Variants in SARDH observed in about 807,000 individuals in gnomAD.
The protein encoded by SARDH is sarcosine dehydrogenase, also known as sarcosine dehydrogenase, mitochondrial.
SARDH carries 95 observed loss-of-function variants against 109.1 expected under a neutral mutation model. The observed-to-expected ratio is 0.87, with a 90% confidence interval of 0.74 to 1.03. SARDH has a LOEUF of 1.03. Ranked by LOEUF, SARDH falls within the 50% of genes least tolerant of loss-of-function variation. SARDH has a pLI of 0.00. For synonymous variants in SARDH, 572 were observed against 534.8 expected, an observed-to-expected ratio of 1.07 and a Z score of -0.96; for missense variants, 1,267 against 1,287.8, an observed-to-expected ratio of 0.98 and a Z score of 0.25.
At chr9:133,710,494 G>A (rs1006428442) in intron 10 of SARDH, among the ~76,000 whole-genome samples, 1 of 152,260 alleles carries the variant, frequency 6.6e-6, no homozygotes, top group African/African-American at 2.4e-5. Flanking sequence ...CCCCCTCGCT[G>A]TGCGTGTCTC....
chr9:133,677,997 G>A (rs559109683), intron 17 of SARDH, among the ~76,000 whole-genome samples: 1 of 152,352 alleles, frequency 6.6e-6, no homozygotes, highest in Admixed American at 6.5e-5. Flanking sequence ...AAATTGGCCT[G>A]AGGACCCTCT....
intron 17 of SARDH, among the ~76,000 whole-genome samples, chr9:133,681,301 C>G (rs1172809938): frequency 6.6e-6 from 1 of 152,218 alleles, no homozygotes; most frequent in Non-Finnish European, 1.5e-5. Flanking sequence ...GCAGAGCCCC[C>G]CAACACGGGC....
At chr9:133,710,404 C>T (rs1831873303) in intron 10 of SARDH, among the ~76,000 whole-genome samples, 1 of 152,224 alleles carries the variant, frequency 6.6e-6, no homozygotes, top group African/African-American at 2.4e-5. Context: ...CCGGTCAGCC[C>T]TGGGACCCTC....
intron 17 of SARDH, among the ~76,000 whole-genome samples, chr9:133,683,937 A>G (rs987411341): frequency 1.9e-4 from 29 of 152,168 alleles, no homozygotes; most frequent in Admixed American, 1.8e-3. Flanking sequence ...ACTGACACAT[A>G]TCGGGGGCTT....
chr9:133,702,887 G>C (rs759866848), intron 13 of SARDH, 29 bp downstream of exon 13: 1 of 1,596,850 alleles, frequency 6.3e-7, no homozygotes, highest in Non-Finnish European at 8.5e-7. Flanking sequence ...CAGAAGGACG[G>C]ACCCCCACGG....
chr9:133,719,821 A>G (rs1832261811), intron 6 of SARDH, among the ~76,000 whole-genome samples: 1 of 152,138 alleles, frequency 6.6e-6, no homozygotes, highest in Admixed American at 6.5e-5. Flanking sequence ...TCCTAAAAAC[A>G]AAACCACAGG....
intron 19 of SARDH, among the ~76,000 whole-genome samples, chr9:133,669,664 C>G (rs1830265559): frequency 6.6e-6 from 1 of 152,134 alleles, no homozygotes; most frequent in African/African-American, 2.4e-5. Flanking sequence ...GTCAGGTCGC[C>G]CCCAGGCAGA....
At position 133,665,744 on chromosome 9, in the gene SARDH, G is replaced by A. The variant is rs1041384621; in HGVS notation, c.2631+991C>T. On this transcript the variant is annotated intron_variant, in intron 20 of 20. Coordinates refer to ENST00000439388, the MANE Select transcript of SARDH (RefSeq NM_001134707.2). The stretch of plus-strand genomic sequence containing the variant: ...CATTGGGCCTGCGAGCTGGGCCTGC[G>A]CATGTTCTGCAGCTCTTGCTAAGGC... 7.9e-5 allele frequency among the ~76,000 whole-genome samples: 12 copies of A among 152,184 alleles called. No homozygotes were observed. The South Asian group carries it at 1.9e-3, about 24-fold the overall frequency.
chr9:133,696,422 A>C, intron 13 of SARDH, 61 bp from the exon 14 acceptor site: 1 of 1,607,546 alleles, frequency 6.2e-7, no homozygotes, highest in Non-Finnish European at 8.5e-7. Flanking sequence ...TTCTTCCTCA[A>C]GAACGTGGAG....
intron 7 of SARDH, among the ~76,000 whole-genome samples, chr9:133,717,789 T>C (rs1588442427): frequency 6.6e-6 from 1 of 152,318 alleles, no homozygotes; most frequent in East Asian, 1.9e-4. Context: ...TGCCTACCTC[T>C]ACCACTGGGC....
At chr9:133,675,191 T>TA (rs994079835) in intron 17 of SARDH, among the ~76,000 whole-genome samples, 36 of 149,952 alleles carry the variant, frequency 2.4e-4, no homozygotes, top group African/African-American at 6.9e-4. Flanking sequence ...TAAAAATATT[T>TA]AAAAAAAAAA....
At chr9:133,680,045 C>T (rs1355200059) in intron 17 of SARDH, among the ~76,000 whole-genome samples, 1 of 152,230 alleles carries the variant, frequency 6.6e-6, no homozygotes, top group African/African-American at 2.4e-5. Context: ...CGTTTCTTCA[C>T]GTTGAGGGAT....
intron 8 of SARDH, among the ~76,000 whole-genome samples, chr9:133,715,476 C>T (rs745507775): frequency 2.0e-5 from 3 of 152,116 alleles, no homozygotes; most frequent in South Asian, 2.1e-4. Context: ...CACGCTGCCC[C>T]GGCCCCTGGG....
intron 3 of SARDH, 38 bp downstream of exon 3, chr9:133,732,385 C>CCA: frequency 2.4e-6 from 3 of 1,263,062 alleles, no homozygotes; most frequent in Non-Finnish European, 3.4e-6. Flanking sequence ...CCCACCCACC[C>CCA]AAGCCCCCCT....
rs1027273016 is a variant in SARDH at position 133,686,383 on chromosome 9, C to G, written c.2070-1097G>C. ...CCCCTTCCCCTGTCACCACTTAACC[C>G]TTTGTCATCCTTCAGCTCTTGGCTC... is the stretch of plus-strand genomic sequence containing the variant. On this transcript the variant is annotated intron_variant, in intron 16 of 20. Transcript: ENST00000439388. This position sits in a 1 kb window ranked among gnomAD's most constrained non-coding sequence, Gnocchi z 4.0. 3.3e-5 allele frequency among the ~76,000 whole-genome samples: 5 copies of G among 152,198 alleles called. No individual in the cohort carries two copies. Among genetic ancestry groups the G allele is most frequent in the Middle Eastern group, 3.4e-3 (1 of 294 alleles).
intron 2 of SARDH, 30 bp from the exon 3 acceptor site, chr9:133,732,631 C>G: frequency 6.3e-7 from 1 of 1,577,286 alleles, no homozygotes; most frequent in South Asian, 1.2e-5. Context: ...CCATCACTCC[C>G]CAGGGAGTGG....
intron 17 of SARDH, among the ~76,000 whole-genome samples, chr9:133,677,847 G>A (rs1403368767): frequency 2.6e-5 from 4 of 152,242 alleles, no homozygotes; most frequent in Non-Finnish European, 4.4e-5. Context: ...GGCCTTCGCT[G>A]GGGCTCAGAC....
chr9:133,679,606 C>T (rs919409489), intron 17 of SARDH, among the ~76,000 whole-genome samples: 3 of 152,164 alleles, frequency 2.0e-5, no homozygotes, highest in South Asian at 2.1e-4. Flanking sequence ...CACTGACCCA[C>T]GGGGAATCTT....
intron 13 of SARDH, among the ~76,000 whole-genome samples, 189 bp downstream of exon 13, chr9:133,702,727 G>A (rs543255800): frequency 6.6e-6 from 1 of 152,268 alleles, no homozygotes; most frequent in Admixed American, 6.5e-5. Context: ...CGGCACAGAG[G>A]GAGGAGGGGG....
Sources: allele counts gnomAD v4.1 joint callset (sites outside exome capture counted in the v4.1 genomes callset), GRCh38; gene constraint gnomAD v4.1.1; non-coding constraint Gnocchi (gnomAD v3.1); transcripts MANE v1.5; gene names NCBI Gene and HGNC (gene_info 2026-07-23, HGNC 2026-07-21).